TMC1: variants seen among roughly 807,000 people sequenced by gnomAD.
The protein encoded by TMC1 is transmembrane channel-like protein 1.
In TMC1, 84 loss-of-function variants were observed where a neutral mutation model predicts 105.8. The observed-to-expected ratio is 0.79, with a 90% CI of 0.67 to 0.95. The LOEUF (loss-of-function observed/expected upper bound fraction) is 0.95, where lower values mean the gene tolerates loss of function less well. TMC1 is among the 40% of genes least tolerant of loss of function. TMC1 has a pLI of 0.00. For synonymous variants in TMC1, 315 were observed against 311.5 expected (o/e 1.01, Z -0.12); for missense variants, 817 against 914.1 (o/e 0.89, Z 1.37).
chr9:72,721,463 T>C (rs1827024944), intron 8 of TMC1, among the ~76,000 whole-genome samples: 1 of 152,242 alleles, frequency 6.6e-6, no homozygotes, highest in Non-Finnish European at 1.5e-5. Context: ...CTTGAGTTAC[T>C]TTTCACCTGC....
chr9:72,535,995 A>G (rs1177180287), intron 1 of TMC1, among the ~76,000 whole-genome samples: 1 of 152,212 alleles, frequency 6.6e-6, no homozygotes, highest in African/African-American at 2.4e-5. Flanking sequence ...TTTCAACATG[A>G]GGTTTGAAGG....
intron 12 of TMC1, among the ~76,000 whole-genome samples, chr9:72,756,334 A>G (rs1827676558): frequency 6.6e-6 from 1 of 152,174 alleles, no homozygotes; most frequent in African/African-American, 2.4e-5. Flanking sequence ...AAAAAGGAAA[A>G]AAGATCCTGG....
chr9:72,762,213 A>C (rs1827768488), intron 12 of TMC1, among the ~76,000 whole-genome samples: 1 of 152,150 alleles, frequency 6.6e-6, no homozygotes, highest in Non-Finnish European at 1.5e-5. Context: ...GATAAATTCC[A>C]TATTGGTTAG....
intron 20 of TMC1, among the ~76,000 whole-genome samples, chr9:72,822,878 C>T (rs1828898323): frequency 1.3e-5 from 2 of 152,168 alleles, no homozygotes; most frequent in South Asian, 2.1e-4. Flanking sequence ...TTCAGATTTA[C>T]AATACGTCTT....
rs1486262012 is a variant in TMC1 at position 72,521,829 on chromosome 9, T to A, written c.-512T>A. 6.6e-6 allele frequency: 1 copy of A among 152,072 alleles called. No individual in the cohort carries two copies. The highest frequency in any genetic ancestry group is 2.4e-5 in the African/African-American group (1 of 41,424). 9.4% of individuals were successfully genotyped at this position (152,072 alleles called of 1,614,324 possible). On this transcript the variant is annotated 5_prime_UTR_variant, in exon 1 of 24. Transcript: ENST00000297784. ...AAACTATGAGGGCAGAACCCAGCAA[T>A]CTGTGCTTTCTTTCACAAGCCCTCC...
intron 3 of TMC1, among the ~76,000 whole-genome samples, chr9:72,623,666 C>T (rs12344074): frequency 0.16 from 24,663 of 152,024 alleles, 2,110 homozygotes; most frequent in Non-Finnish European, 0.19. Flanking sequence ...TACTGGGCGG[C>T]GAACCATGTA....
intron 18 of TMC1, among the ~76,000 whole-genome samples, chr9:72,806,712 C>G (rs1376984070): frequency 2.0e-5 from 3 of 150,788 alleles, no homozygotes; most frequent in African/African-American, 2.4e-5. Flanking sequence ...TGATGGTGGC[C>G]GGGAAGAGGT....
At chr9:72,813,218 T>C (rs908390932) in intron 18 of TMC1, among the ~76,000 whole-genome samples, 5 of 152,152 alleles carry the variant, frequency 3.3e-5, no homozygotes, top group African/African-American at 1.2e-4. Context: ...AAACAAAATA[T>C]ATTGCAAATT....
intron 8 of TMC1, among the ~76,000 whole-genome samples, chr9:72,713,021 A>G (rs1826860424): frequency 6.6e-6 from 1 of 152,142 alleles, no homozygotes; most frequent in South Asian, 2.1e-4. Flanking sequence ...TTCTGCATCT[A>G]TTGAGATAAT....
intron 4 of TMC1, among the ~76,000 whole-genome samples, chr9:72,640,421 C>G (rs1267735950): frequency 6.6e-6 from 1 of 152,138 alleles, no homozygotes; most frequent in African/African-American, 2.4e-5. Context: ...CAGGCATCAT[C>G]ATGGGGGTGA....
At chr9:72,609,367 C>A (rs753881012) in intron 2 of TMC1, among the ~76,000 whole-genome samples, 1 of 151,936 alleles carries the variant, frequency 6.6e-6, no homozygotes, top group Admixed American at 6.6e-5. Context: ...GGTGAAAACC[C>A]GTCTCTACTA....
chr9:72,593,351 C>CTGT (rs1467167751), intron 2 of TMC1, among the ~76,000 whole-genome samples: 1 of 151,938 alleles, frequency 6.6e-6, no homozygotes, highest in Non-Finnish European at 1.5e-5. Flanking sequence ...ATAGCCTGGG[C>CTGT]AACATAGTAA....
At chr9:72,754,039 ATC>A (rs1383800998) in intron 11 of TMC1, among the ~76,000 whole-genome samples, 1 of 152,146 alleles carries the variant, frequency 6.6e-6, no homozygotes, top group African/African-American at 2.4e-5. Flanking sequence ...AGCCATATTC[ATC>A]TTCTGTTCCC....
chr9:72,647,017 C>CT (rs1825724404), intron 4 of TMC1, among the ~76,000 whole-genome samples: 1 of 151,608 alleles, frequency 6.6e-6, no homozygotes, highest in African/African-American at 2.4e-5. Context: ...TGGCGGGTGC[C>CT]TGTAATCCCA....
At chr9:72,694,806 G>A (rs910599812) in intron 7 of TMC1, 92 bp downstream of exon 7, 8 of 1,297,414 alleles carry the variant, frequency 6.2e-6, no homozygotes, top group African/African-American at 4.5e-5. Context: ...GGTAATTAAA[G>A]CTACTTTTAG....
At chr9:72,733,094 G>T (rs1233185314) in intron 8 of TMC1, among the ~76,000 whole-genome samples, 3 of 152,118 alleles carry the variant, frequency 2.0e-5, no homozygotes, top group Non-Finnish European at 4.4e-5. Flanking sequence ...ATACGATGTT[G>T]TCCAAGTGTA....
chr9:72,596,080 T>C (rs756224913), intron 2 of TMC1, among the ~76,000 whole-genome samples: 1 of 152,052 alleles, frequency 6.6e-6, no homozygotes, highest in Non-Finnish European at 1.5e-5. Flanking sequence ...TTTCACCATA[T>C]TGACCAGGCT....
chr9:72,536,392 G>A (rs1443503264), intron 1 of TMC1, among the ~76,000 whole-genome samples: 2 of 152,282 alleles, frequency 1.3e-5, no homozygotes, highest in East Asian at 3.9e-4. Context: ...GAGTGCAGTG[G>A]TGCGATCTCG....
intron 1 of TMC1, among the ~76,000 whole-genome samples, chr9:72,549,231 T>C (rs2132070483): frequency 6.6e-6 from 1 of 152,308 alleles, no homozygotes; most frequent in Non-Finnish European, 1.5e-5. Context: ...CATTAAATAA[T>C]TTAATGGTGC....
Sources: allele counts gnomAD v4.1 joint callset (sites outside exome capture counted in the v4.1 genomes callset), GRCh38; gene constraint gnomAD v4.1.1; transcripts MANE v1.5; gene names NCBI Gene and HGNC (gene_info 2026-07-23, HGNC 2026-07-21).